The following ZFAND2A variants were observed in gnomAD, a reference collection of about 807,000 sequenced individuals.
The protein encoded by ZFAND2A is zinc finger AN1-type containing 2A, also known as AN1-type zinc finger protein 2A.
In ZFAND2A, 20 loss-of-function variants were observed where a neutral mutation model predicts 11.6. That is an observed-to-expected ratio of 1.72 (90% CI 1.21 to 2.50). The LOEUF (loss-of-function observed/expected upper bound fraction) is 2.50, where lower values mean the gene tolerates loss of function less well. ZFAND2A is among the 30% of genes most tolerant of loss of function. The pLI, the probability that ZFAND2A is intolerant of heterozygous loss-of-function variation, is 0.00. For missense variants in ZFAND2A, 234 were observed against 182.9 expected (o/e 1.28, Z -1.61); for synonymous variants, 93 against 60.6 (o/e 1.54, Z -2.48).
downstream of ZFAND2A, among the ~76,000 whole-genome samples, chr7:1,150,887 CTTTTTTTT>C (rs10568309): frequency 7.8e-6 from 1 of 128,108 alleles, no homozygotes; most frequent in Non-Finnish European, 1.6e-5. Context: ...ACAACTGTGC[CTTTTTTTT>C]TTTTTTTTTT....
downstream of ZFAND2A, among the ~76,000 whole-genome samples, chr7:1,150,276 C>T (rs758623913): frequency 2.6e-5 from 4 of 151,910 alleles, no homozygotes; most frequent in Non-Finnish European, 5.9e-5. Flanking sequence ...TGCAGAACGC[C>T]AACAGAATAC....
chr7:1,158,025 G>T, intron 2 of ZFAND2A, 133 bp downstream of exon 2: 2 of 948,822 alleles, frequency 2.1e-6, no homozygotes, highest in Non-Finnish European at 1.6e-6. Flanking sequence ...GTGTCAAACA[G>T]AACCTGCACC....
At chr7:1,152,259 A>G, downstream of ZFAND2A, 1 of 1,575,412 alleles carries the variant, frequency 6.3e-7, no homozygotes, top group Non-Finnish European at 8.6e-7. Context: ...GTGAACCAGT[A>G]CCCGAGTCGC....
chr7:1,149,223 C>T (rs1472714178), downstream of ZFAND2A, among the ~76,000 whole-genome samples: 1 of 152,222 alleles, frequency 6.6e-6, no homozygotes, highest in Non-Finnish European at 1.5e-5. Flanking sequence ...AGGTTCCTAA[C>T]GTACCTGTTT....
downstream of ZFAND2A, among the ~76,000 whole-genome samples, chr7:1,151,105 C>G (rs942473460): frequency 6.6e-6 from 1 of 152,240 alleles, no homozygotes; most frequent in African/African-American, 2.4e-5. Flanking sequence ...CCAGGCTGGT[C>G]TCAAACTCCT....
chr7:1,152,092 C>T, downstream of ZFAND2A: 1 of 965,992 alleles, frequency 1.0e-6, no homozygotes, highest in Non-Finnish European at 1.4e-6. Flanking sequence ...GCTTCTGTAA[C>T]TTGGGGTCCC....
At chr7:1,155,664 C>T (rs549218709) in intron 3 of ZFAND2A, 80 bp from the exon 4 acceptor site, 180 of 1,534,682 alleles carry the variant, frequency 1.2e-4, no homozygotes, top group East Asian at 1.4e-4. Flanking sequence ...TACTCCTGTG[C>T]GGCACACTTA....
chr7:1,157,049 C>G (rs931939360), intron 3 of ZFAND2A: 1 of 152,248 alleles, frequency 6.6e-6, no homozygotes, highest in Non-Finnish European at 1.5e-5. Flanking sequence ...GCAGAGTTCA[C>G]TAAAATGACC....
chr7:1,151,762 T>TAAAAGAAAAAAAAAAAAAAAAA (rs1554344525), downstream of ZFAND2A, among the ~76,000 whole-genome samples: 5 of 87,158 alleles, frequency 5.7e-5, 1 homozygote. Flanking sequence ...TCATCCCTTT[T>TAAAAGAAAAAAAAAAAAAAAAA]AAAAAAAAAA....
intron 1 of ZFAND2A, among the ~76,000 whole-genome samples, chr7:1,159,302 G>A (rs1016932880): frequency 6.6e-5 from 10 of 152,202 alleles, no homozygotes; most frequent in African/African-American, 1.4e-4. Context: ...CACAGCACCC[G>A]TCCTAGGAAA....
At chr7:1,151,364 G>A (rs117921682), downstream of ZFAND2A, among the ~76,000 whole-genome samples, 556 of 149,752 alleles carry the variant, frequency 3.7e-3, 2 homozygotes, top group Admixed American at 7.2e-3. Flanking sequence ...CGGCCAGGCA[G>A]GTGGATGTCC....
chr7:1,149,656 ACCCAGGCTGTAGGGCATAGCCTGTGGCT>A (rs1793361995), downstream of ZFAND2A, among the ~76,000 whole-genome samples: 1 of 152,092 alleles, frequency 6.6e-6, no homozygotes, highest in South Asian at 2.1e-4. Flanking sequence ...CCTCCTCCAC[ACCCAGGCTGTAGGGCATAGCCTGTGGCT>A]CCCAGGCTAC....
At chr7:1,152,354 G>A (rs1044490712), downstream of ZFAND2A, 1 of 1,553,252 alleles carries the variant, frequency 6.4e-7, no homozygotes, top group African/African-American at 1.4e-5. Flanking sequence ...CCTACAGAGA[G>A]GGTGGATGGA....
At chr7:1,148,904 C>G (rs899328387), downstream of ZFAND2A, among the ~76,000 whole-genome samples, 1 of 149,032 alleles carries the variant, frequency 6.7e-6, no homozygotes, top group African/African-American at 2.5e-5. Context: ...GTGATCACAG[C>G]TCACTGCAGC....
chr7:1,157,571 T>A, intron 3 of ZFAND2A, 85 bp downstream of exon 3: 2 of 1,307,870 alleles, frequency 1.5e-6, no homozygotes, highest in Non-Finnish European at 2.1e-6. Context: ...GAGTTAGCCA[T>A]ACGTCGCTAG....
rs6946684 is a variant in ZFAND2A, at chr7:1,160,154, G to C, written c.-236C>G. The C allele has an allele frequency of 0.63, 95,602 of 151,920 alleles. 30,451 individuals are homozygous for C. Among genetic ancestry groups the C allele is most frequent in the African/African-American group, 0.67 (27,927 of 41,428 alleles). 9.4% of individuals were successfully genotyped at this position (151,920 alleles called of 1,614,324 possible). A position where few individuals can be genotyped will look rare whatever the true frequency, so the allele number is the denominator to read the frequency against. ...ACATCTCGCTGCCCGCGGCCTACGG[G>C]GATTTATCCGCAGCCCCCGGATCTG... On this transcript the variant is annotated 5_prime_UTR_variant, in exon 1 of 5. Coordinates refer to ENST00000316495, the MANE Select transcript of ZFAND2A (RefSeq NM_182491.4).
rs1793434370 is a variant in ZFAND2A at position 1,153,082 on chromosome 7, A to G, written c.425T>C (p.Ile142Thr). 2 of 1,613,920 alleles carry G rather than the reference A, an allele frequency of 1.2e-6. No individual in the cohort carries two copies. Among genetic ancestry groups the G allele is most frequent in the South Asian group, 2.2e-5 (2 of 91,070 alleles). ...HSCRHGSRPT[I>T]KAG Reference sequence around the variant, plus strand: ...CGGAGTCTCTTCTCACCCAGCTTTGATGGTGGGGCGACTCCCGTGTCTGCA... The same window carrying G: ...CGGAGTCTCTTCTCACCCAGCTTTGGTGGTGGGGCGACTCCCGTGTCTGCA... The change falls in exon 5 of 5, where the codon ATC (isoleucine) becomes ACC (threonine). Residue 142 changes from isoleucine to threonine, a missense_variant. By Grantham distance (89) the Ile-to-Thr change is moderately conservative. Coordinates refer to ENST00000316495, the MANE Select transcript of ZFAND2A (RefSeq NM_182491.4).
chr7:1,151,295 G>A (rs1413929867), downstream of ZFAND2A, among the ~76,000 whole-genome samples: 1 of 152,164 alleles, frequency 6.6e-6, no homozygotes, highest in Admixed American at 6.5e-5. Flanking sequence ...GAACGGGCAC[G>A]CAGCTGTGCC....
At chr7:1,152,184 T>C (rs1793410902), downstream of ZFAND2A, 51 of 1,506,408 alleles carry the variant, frequency 3.4e-5, 1 homozygote, top group Non-Finnish European at 4.5e-5. Flanking sequence ...ACAGCAACCT[T>C]TCCGTGTTCA....
Sources: gnomAD v4.1 joint callset for allele counts (sites outside exome capture counted in the v4.1 genomes callset) on GRCh38, gnomAD v4.1.1 for gene constraint, MANE v1.5 for transcripts, NCBI Gene and HGNC (gene_info 2026-07-23, HGNC 2026-07-21) for gene names.